The following NLGN1 variants were observed in gnomAD, a reference collection of about 807,000 sequenced individuals.
NLGN1 encodes the protein neuroligin-1.
NLGN1 carries 12 observed loss-of-function variants against 65.5 expected under a neutral mutation model. The observed-to-expected ratio is 0.18, with a 90% CI of 0.12 to 0.30. The LOEUF is 0.30. Among genes scored for constraint, NLGN1 ranks in the 10% least tolerant of loss-of-function variants. NLGN1 has a pLI of 1.00. For missense variants in NLGN1, 750 were observed against 1,007.1 expected (o/e 0.74, Z 3.46); for synonymous variants, 350 against 359.5 (o/e 0.97, Z 0.30).
At chr3:173,778,420 G>A (rs1780639472) in intron 3 of NLGN1, among the ~76,000 whole-genome samples, 1 of 151,776 alleles carries the variant, frequency 6.6e-6, no homozygotes, top group South Asian at 2.1e-4. Flanking sequence ...TTTTTTGCAT[G>A]TGCCAATGTT....
At chr3:174,114,716 C>T (rs1025093995) in intron 4 of NLGN1, among the ~76,000 whole-genome samples, 1 of 152,088 alleles carries the variant, frequency 6.6e-6, no homozygotes, top group Non-Finnish European at 1.5e-5. Context: ...TGCACTTATA[C>T]ATTATCCGTA....
At chr3:173,929,794 T>C (rs1436762159) in intron 4 of NLGN1, among the ~76,000 whole-genome samples, 1 of 151,954 alleles carries the variant, frequency 6.6e-6, no homozygotes, top group Non-Finnish European at 1.5e-5. Context: ...AACTTCTGCC[T>C]CTCGGGTTCA....
chr3:173,445,357 G>C (rs1577499011), intron 2 of NLGN1, among the ~76,000 whole-genome samples: 2 of 151,216 alleles, frequency 1.3e-5, no homozygotes, highest in Admixed American at 1.3e-4. Context: ...GTTTTATTTG[G>C]TATTCTAGTA....
Position 174,081,949 on chromosome 3 carries a change from T to C in NLGN1, c.647-193366T>C, listed in dbSNP as rs531888085. 1.2e-4 allele frequency among the ~76,000 whole-genome samples: 19 copies of C among 152,276 alleles called. No individual in the cohort carries two copies. The East Asian group carries it at 3.7e-3, about 29-fold the overall frequency. ...CCACCTTGAATTATTTAATCGAATT[T>C]GGGGACATTCCTACTATCCAGTTTA... On this transcript the variant is annotated intron_variant, in intron 4 of 6. Coordinates refer to ENST00000457714, the Ensembl canonical transcript of NLGN1.
intron 4 of NLGN1, among the ~76,000 whole-genome samples, chr3:173,880,107 G>A (rs1413684268): frequency 6.6e-6 from 1 of 152,044 alleles, no homozygotes; most frequent in Non-Finnish European, 1.5e-5. Context: ...TGCAAAAGTA[G>A]ATCAACCTTA....
chr3:173,922,570 T>G (rs998447844), intron 4 of NLGN1, among the ~76,000 whole-genome samples: 10 of 152,266 alleles, frequency 6.6e-5, no homozygotes, highest in East Asian at 1.9e-4. Context: ...AAATGAGTTT[T>G]GGGTACATTT....
At chr3:174,178,066 A>AC (rs774569718) in intron 4 of NLGN1, among the ~76,000 whole-genome samples, 14 of 152,124 alleles carry the variant, frequency 9.2e-5, no homozygotes, top group Non-Finnish European at 1.5e-4. Flanking sequence ...TGAAGTAGGA[A>AC]CAAAAAAAGG....
chr3:174,032,287 G>A (rs1395269694), intron 4 of NLGN1, among the ~76,000 whole-genome samples: 2 of 152,150 alleles, frequency 1.3e-5, no homozygotes, highest in African/African-American at 2.4e-5. Context: ...ATCTGTGAAG[G>A]AAATCTTTTA....
chr3:174,097,339 G>A (rs1237886667), intron 4 of NLGN1, among the ~76,000 whole-genome samples: 1 of 152,112 alleles, frequency 6.6e-6, no homozygotes, highest in Non-Finnish European at 1.5e-5. Flanking sequence ...ATGGATATGA[G>A]TATCTTTGGA....
chr3:173,913,731 A>G (rs1487966011), intron 4 of NLGN1, among the ~76,000 whole-genome samples: 1 of 152,186 alleles, frequency 6.6e-6, no homozygotes, highest in East Asian at 1.9e-4. Context: ...AAAGTGCTTG[A>G]TTCTTTATTA....
chr3:173,896,809 C>T (rs1299500868), intron 4 of NLGN1, among the ~76,000 whole-genome samples: 1 of 152,146 alleles, frequency 6.6e-6, no homozygotes, highest in Non-Finnish European at 1.5e-5. Flanking sequence ...CCGCTCTTCT[C>T]ACCCAATCAC....
At chr3:173,726,426 A>G (rs1191774499) in intron 3 of NLGN1, among the ~76,000 whole-genome samples, 1 of 151,994 alleles carries the variant, frequency 6.6e-6, no homozygotes, top group African/African-American at 2.4e-5. Flanking sequence ...GTATCTTTCC[A>G]TCATCTTTTC....
chr3:173,632,889 GGAT>G (rs977301613), intron 3 of NLGN1, among the ~76,000 whole-genome samples: 1 of 144,756 alleles, frequency 6.9e-6, no homozygotes, highest in Non-Finnish European at 1.5e-5. Flanking sequence ...TCTCAAAAAG[GGAT>G]GATATGGGAC....
At chr3:174,271,384 C>T (rs1419261904) in intron 4 of NLGN1, among the ~76,000 whole-genome samples, 1 of 151,600 alleles carries the variant, frequency 6.6e-6, no homozygotes, top group Non-Finnish European at 1.5e-5. Flanking sequence ...TTGAGTCAAC[C>T]AATAAACCGC....
At position 174,132,671 on chromosome 3, in the gene NLGN1, C is replaced by T. The variant is rs183741883; in HGVS notation, c.647-142644C>T. On this transcript the variant is annotated intron_variant, in intron 4 of 6. Coordinates refer to ENST00000457714, the Ensembl canonical transcript of NLGN1. ...GTGTTCAAGGTAGACTCAGTCACTGCCTCAGGAGTCAGCAAAATGATTCTG... is the reference window on the plus strand; with the variant it reads ...GTGTTCAAGGTAGACTCAGTCACTGTCTCAGGAGTCAGCAAAATGATTCTG... Among the ~76,000 whole-genome samples the T allele has an allele frequency of 2.7e-4, 41 of 152,252 alleles. 1 individual carries two copies. The highest frequency in any genetic ancestry group is 9.1e-4 in the African/African-American group (38 of 41,538).
chr3:174,013,026 C>T (rs1008162583), intron 4 of NLGN1, among the ~76,000 whole-genome samples: 2 of 152,154 alleles, frequency 1.3e-5, no homozygotes, highest in African/African-American at 2.4e-5. Context: ...TCAAAATTGT[C>T]ATCTTCAAAC....
At chr3:174,056,378 C>G (rs1038133791) in intron 4 of NLGN1, among the ~76,000 whole-genome samples, 4 of 151,758 alleles carry the variant, frequency 2.6e-5, no homozygotes, top group Admixed American at 6.6e-5. Flanking sequence ...ATTTTTTCTA[C>G]TGAAATAAGT....
chr3:173,934,858 T>G (rs1310655956), intron 4 of NLGN1, among the ~76,000 whole-genome samples: 1 of 152,034 alleles, frequency 6.6e-6, no homozygotes, highest in African/African-American at 2.4e-5. Flanking sequence ...AACCCGATAA[T>G]ATCTCTTTAA....
intron 4 of NLGN1, among the ~76,000 whole-genome samples, chr3:173,858,085 C>A (rs545328502): frequency 1.1e-3 from 163 of 152,018 alleles, no homozygotes; most frequent in African/African-American, 3.7e-3. Flanking sequence ...AAAACCATTT[C>A]TCTTCGTAGG....
Sources: allele counts gnomAD v4.1 joint callset (sites outside exome capture counted in the v4.1 genomes callset), GRCh38; gene constraint gnomAD v4.1.1; transcripts MANE v1.5; gene names NCBI Gene and HGNC (gene_info 2026-07-23, HGNC 2026-07-21).